The following NLGN1 variants were observed in gnomAD, a reference collection of about 807,000 sequenced individuals.
NLGN1 encodes neuroligin-1.
NLGN1 carries 12 observed loss-of-function variants against 65.5 expected under a neutral mutation model. That is an observed-to-expected ratio of 0.18 (90% CI 0.12 to 0.30). The LOEUF (loss-of-function observed/expected upper bound fraction) is 0.30, where lower values mean the gene tolerates loss of function less well. NLGN1 is among the 10% of genes least tolerant of loss of function. The pLI is 1.00. For missense variants in NLGN1, 750 were observed against 1,007.1 expected (o/e 0.74, Z 3.46); for synonymous variants, 350 against 359.5 (o/e 0.97, Z 0.30).
At chr3:174,071,306 A>G (rs550788315) in intron 4 of NLGN1, among the ~76,000 whole-genome samples, 2 of 152,194 alleles carry the variant, frequency 1.3e-5, no homozygotes, top group South Asian at 4.1e-4. Context: ...TTAGGAAAAT[A>G]GAATCAATTA....
chr3:173,577,559 A>G (rs956700898), intron 2 of NLGN1, among the ~76,000 whole-genome samples: 1 of 152,206 alleles, frequency 6.6e-6, no homozygotes, highest in Non-Finnish European at 1.5e-5. Context: ...GGAAACTTTT[A>G]TAGAAGAGGA....
At chr3:173,902,006 T>G (rs1233099823) in intron 4 of NLGN1, among the ~76,000 whole-genome samples, 17 of 152,068 alleles carry the variant, frequency 1.1e-4, no homozygotes, top group Admixed American at 1.1e-3. Flanking sequence ...TGATGTGGAT[T>G]TTATTATTAG....
At chr3:173,758,246 T>G (rs74858529) in intron 3 of NLGN1, among the ~76,000 whole-genome samples, 3,382 of 152,120 alleles carry the variant, frequency 0.022, 109 homozygotes, top group African/African-American at 0.068. Context: ...GTCTTGATCT[T>G]GGATTTCCCA....
At chr3:174,035,722 G>A (rs767756347) in intron 4 of NLGN1, among the ~76,000 whole-genome samples, 2 of 152,176 alleles carry the variant, frequency 1.3e-5, no homozygotes, top group African/African-American at 2.4e-5. Flanking sequence ...TCATGTTGCC[G>A]ATCTGGCTGG....
rs74677966 is a variant in NLGN1 at position 173,588,342 on chromosome 3, T to C, written c.-320-15937T>C. On this transcript the variant is annotated intron_variant, in intron 2 of 6. Coordinates refer to ENST00000457714, the Ensembl canonical transcript of NLGN1. Reference sequence around the variant, plus strand: ...ACCCATTTGCTGGTCACTTTTGTTCTGTTATTAATGAAATAATGTTGATAA... The same window carrying C: ...ACCCATTTGCTGGTCACTTTTGTTCCGTTATTAATGAAATAATGTTGATAA... Among the ~76,000 whole-genome samples, 314 of 152,108 alleles carry C rather than the reference T, an allele frequency of 2.1e-3. 1 individual carries two copies. The highest frequency in any genetic ancestry group is 7.3e-3 in the African/African-American group (301 of 41,368).
chr3:173,968,917 T>C (rs889580630), intron 4 of NLGN1, among the ~76,000 whole-genome samples: 3 of 151,704 alleles, frequency 2.0e-5, no homozygotes, highest in Non-Finnish European at 4.4e-5. Flanking sequence ...GCCAGGCTGG[T>C]CTCAAACTCC....
intron 4 of NLGN1, among the ~76,000 whole-genome samples, chr3:174,093,893 C>G (rs1044024325): frequency 4.6e-5 from 7 of 152,058 alleles, no homozygotes; most frequent in African/African-American, 1.7e-4. Flanking sequence ...TTTTCCCTCT[C>G]TAATGGTTTT....
chr3:173,746,197 G>A (rs7636584), intron 3 of NLGN1, among the ~76,000 whole-genome samples: 2,799 of 152,140 alleles, frequency 0.018, 20 homozygotes, highest in Middle Eastern at 0.048. Flanking sequence ...GCAGGCTAAG[G>A]TGGGAGGAGC....
At chr3:174,240,766 G>C (rs1461346276) in intron 4 of NLGN1, among the ~76,000 whole-genome samples, 3 of 152,192 alleles carry the variant, frequency 2.0e-5, no homozygotes, top group Non-Finnish European at 4.4e-5. Flanking sequence ...TGAAAGCAAA[G>C]TAGGGGTTCA....
chr3:173,576,725 T>C (rs1437860154), intron 2 of NLGN1, among the ~76,000 whole-genome samples: 1 of 152,146 alleles, frequency 6.6e-6, no homozygotes, highest in Non-Finnish European at 1.5e-5. Flanking sequence ...TTTAATCACA[T>C]TTGCAAAGTC....
intron 2 of NLGN1, among the ~76,000 whole-genome samples, chr3:173,492,496 A>G (rs1729347838): frequency 6.6e-6 from 1 of 151,836 alleles, no homozygotes; most frequent in African/African-American, 2.4e-5. Flanking sequence ...AATGTTATAA[A>G]TGATAATATT....
At chr3:173,986,814 C>G (rs892811810) in intron 4 of NLGN1, among the ~76,000 whole-genome samples, 3 of 152,128 alleles carry the variant, frequency 2.0e-5, no homozygotes, top group African/African-American at 4.8e-5. Flanking sequence ...TGAGTAGACT[C>G]GGGACACGAC....
intron 4 of NLGN1, among the ~76,000 whole-genome samples, chr3:174,179,652 T>C (rs1730031460): frequency 6.6e-6 from 1 of 152,140 alleles, no homozygotes; most frequent in African/African-American, 2.4e-5. Context: ...GTACAATATG[T>C]AGTCTGTTGC....
chr3:174,241,085 A>G lies in NLGN1; in HGVS notation c.647-34230A>G, dbSNP rs191256212. On this transcript the variant is annotated intron_variant, in intron 4 of 6. Transcript: ENST00000457714. ...TCATCCAACCCCTTCTAACAATGAC[A>G]AAACTTAGTTTCAAGAGTTTAAAAT... is the stretch of plus-strand genomic sequence containing the variant. Among the ~76,000 whole-genome samples, 28 of 152,308 alleles carry G rather than the reference A, an allele frequency of 1.8e-4. No homozygotes were observed. In the East Asian group the frequency reaches 4.4e-3, roughly 24 times the overall value.
At chr3:173,623,570 A>G (rs530260346) in intron 3 of NLGN1, among the ~76,000 whole-genome samples, 2 of 152,236 alleles carry the variant, frequency 1.3e-5, no homozygotes, top group African/African-American at 4.8e-5. Flanking sequence ...GAGATGGGAA[A>G]GAACAAGGTT....
rs558491714 is a variant in NLGN1 at position 174,051,416 on chromosome 3, T to C, written c.647-223899T>C. 4.6e-5 allele frequency among the ~76,000 whole-genome samples: 7 copies of C among 152,200 alleles called. No homozygotes were observed. The South Asian group carries it at 1.4e-3, about 32-fold the overall frequency. Reference sequence around the variant, plus strand: ...ATTCTCATCTATGTGGCTGGTCGGCTGCCACCTAAACCAAGGAGAGCTCCC... The same window carrying C: ...ATTCTCATCTATGTGGCTGGTCGGCCGCCACCTAAACCAAGGAGAGCTCCC... On this transcript the variant is annotated intron_variant, in intron 4 of 6. Coordinates refer to ENST00000457714, the Ensembl canonical transcript of NLGN1.
At chr3:173,449,384 T>A (rs560087555) in intron 2 of NLGN1, among the ~76,000 whole-genome samples, 265 of 152,276 alleles carry the variant, frequency 1.7e-3, no homozygotes, top group African/African-American at 6.3e-3. Context: ...TGAGTGAGTT[T>A]CTTAATCCTG....
At chr3:173,671,398 C>G (rs1038017908) in intron 3 of NLGN1, among the ~76,000 whole-genome samples, 3 of 152,028 alleles carry the variant, frequency 2.0e-5, no homozygotes, top group African/African-American at 7.2e-5. Context: ...GGGAGAATCA[C>G]CTGAGCCCAG....
intron 3 of NLGN1, among the ~76,000 whole-genome samples, chr3:173,765,029 A>G (rs902227988): frequency 6.6e-6 from 1 of 150,420 alleles, no homozygotes; most frequent in Non-Finnish European, 1.5e-5. Flanking sequence ...AATGTGCCAG[A>G]AATTGCTAAT....
Sources: allele counts gnomAD v4.1 joint callset (sites outside exome capture counted in the v4.1 genomes callset), GRCh38; gene constraint gnomAD v4.1.1; transcripts MANE v1.5; gene names NCBI Gene and HGNC (gene_info 2026-07-23, HGNC 2026-07-21).